EML2: variants seen among roughly 807,000 people sequenced by gnomAD.
EML2 encodes the protein EMAP like 2.
EML2 carries 59 observed loss-of-function variants against 84.7 expected under a neutral mutation model. The ratio of observed to expected loss-of-function variants is 0.70; its 90% CI spans 0.56 to 0.86. EML2 has a LOEUF of 0.86. EML2 is among the 40% of genes least tolerant of loss of function. EML2 has a pLI of 0.00. For missense variants in EML2, 818 were observed against 855.6 expected, an observed-to-expected ratio of 0.96 and a Z score of 0.55; for synonymous variants, 352 against 348.9, an observed-to-expected ratio of 1.01 and a Z score of -0.10.
At position 45,616,823 on chromosome 19, in the gene EML2, G is replaced by C. The variant is rs140846826; in HGVS notation, c.1353C>G (p.Asp451Glu). Residue 451 changes from aspartate to glutamate, a missense_variant, in exon 14 of 19, where the codon GAC becomes GAG. By Grantham distance (45) the Asp-to-Glu change is conservative. Coordinates refer to ENST00000245925, the MANE Select transcript of EML2 (RefSeq NM_012155.4). ...TGCCGTCTGTGTGGATAGCCACCAG[G>C]TCATGGGTCTCCGTGTCCAGCAGCA... Reference protein sequence around the residue: ...RWLLLDTETHDLVAIHTDGNE... With the variant: ...RWLLLDTETHELVAIHTDGNE... 7 of 1,613,462 alleles carry C rather than the reference G, an allele frequency of 4.3e-6. No homozygotes were observed. The African/African-American group carries it at 5.3e-5, about 12-fold the overall frequency.
At chr19:45,641,698 T>C (rs925465133), upstream of EML2, 9 of 1,535,796 alleles carry the variant, frequency 5.9e-6, no homozygotes, top group African/African-American at 8.2e-5. Flanking sequence ...GCGGGGGTCC[T>C]CACGGCGCAC....
At chr19:45,642,676 G>C (rs1974665832), upstream of EML2, 1 of 419,118 alleles carries the variant, frequency 2.4e-6, no homozygotes, top group Admixed American at 5.5e-5. Context: ...CTATGACTAA[G>C]ACGTGACCAG....
chr19:45,639,286 G>C, intron 1 of EML2, 71 bp downstream of exon 1: 1 of 1,320,746 alleles, frequency 7.6e-7, no homozygotes, highest in Non-Finnish European at 9.9e-7. Context: ...CCCAGGGGTT[G>C]GGTGAAACCT....
chr19:45,632,915 C>G lies in EML2; in HGVS notation c.456G>C (p.Val152=). ...CTCTGTCAAACACCCCCAAGCCCAG[C>G]ACGTGTAAGGTGGAGAGGGAAACTG... ...WDSVSLSTLH[V]LGLGVFDRAV... Residue 152 remains valine, a synonymous_variant, in exon 6 of 19, where the codon GTG becomes GTC. Coordinates refer to ENST00000245925, the MANE Select transcript of EML2 (RefSeq NM_012155.4). The G allele has an allele frequency of 6.2e-7, 1 of 1,614,236 alleles. No individual in the cohort carries two copies. Among genetic ancestry groups the G allele is most frequent in the Non-Finnish European group, 8.5e-7 (1 of 1,180,032 alleles).
intron 6 of EML2, 41 bp from the exon 7 acceptor site, chr19:45,630,087 G>GGA: frequency 6.7e-7 from 1 of 1,485,904 alleles, no homozygotes; most frequent in Non-Finnish European, 9.4e-7. Flanking sequence ...GGCAAGGGGA[G>GGA]TCAGGGCCCA....
At chr19:45,642,458 T>C, upstream of EML2, 1 of 1,451,874 alleles carries the variant, frequency 6.9e-7, no homozygotes, top group Non-Finnish European at 9.1e-7. Context: ...CACGCCCCTT[T>C]CCTGTCCCGC....
intron 3 of EML2, among the ~76,000 whole-genome samples, chr19:45,637,492 T>TTTTTTTTTTTTTTC (rs1568486067): frequency 7.0e-6 from 1 of 143,610 alleles, no homozygotes; most frequent in Non-Finnish European, 1.5e-5. Flanking sequence ...TTTTTTTTTT[T>TTTTTTTTTTTTTTC]TTTGAGAAAG....
chr19:45,641,536 C>G, upstream of EML2: 1 of 1,141,606 alleles, frequency 8.8e-7, no homozygotes, highest in Middle Eastern at 2.0e-4. Flanking sequence ...TTTGAACTAG[C>G]TGGCCCCACT....
intron 9 of EML2, among the ~76,000 whole-genome samples, chr19:45,623,682 C>A (rs964944215): frequency 6.6e-6 from 1 of 152,026 alleles, no homozygotes; most frequent in African/African-American, 2.4e-5. Flanking sequence ...TCCCGACTAG[C>A]TGGGATTACA....
At position 45,636,712 on chromosome 19, in the gene EML2, C is replaced by G. The variant is rs542269056; in HGVS notation, c.179+1793G>C. Among the ~76,000 whole-genome samples, 44 of 152,328 alleles carry G rather than the reference C, an allele frequency of 2.9e-4. No homozygotes were observed. The South Asian group carries it at 6.6e-3, about 23-fold the overall frequency. On this transcript the variant is annotated intron_variant, in intron 3 of 18. Transcript: ENST00000245925. ...CTGTAATCTCAGCACTTTGGGAGGC[C>G]GAGGCAGGTGGATCACTTGAGGTCA...
At position 45,615,895 on chromosome 19, in the gene EML2, G is replaced by A. The variant is rs748433299; in HGVS notation, c.1510-6C>T. The A allele has an allele frequency of 1.2e-6, 2 of 1,611,328 alleles. No homozygotes were observed. The highest frequency in any genetic ancestry group is 1.7e-6 in the Non-Finnish European group (2 of 1,177,716). ...GTGATAAAACTGGAATGGCCCTGCG[G>A]GGGAGGGAAGGGATGGTGTTAGAGC... is the stretch of plus-strand genomic sequence containing the variant. On this transcript the variant is annotated splice_region_variant and splice_polypyrimidine_tract_variant and intron_variant, in intron 15 of 18. Transcript: ENST00000245925.
chr19:45,642,442 G>T, upstream of EML2: 3 of 1,465,878 alleles, frequency 2.0e-6, no homozygotes, highest in African/African-American at 1.4e-5. Flanking sequence ...TAAGCGGGGG[G>T]CCAGCCACGC....
intron 9 of EML2, among the ~76,000 whole-genome samples, chr19:45,623,213 G>T (rs1355578598): frequency 2.0e-5 from 3 of 151,992 alleles, no homozygotes; most frequent in Non-Finnish European, 4.4e-5. Flanking sequence ...CAAAAAATTA[G>T]CCGGGTGTGG....
At chr19:45,628,785 T>C (rs1003763458) in intron 7 of EML2, 1 of 152,156 alleles carries the variant, frequency 6.6e-6, no homozygotes, top group Non-Finnish European at 1.5e-5. Flanking sequence ...ATTATGCCAT[T>C]GCACTCCAGC....
chr19:45,616,613 G>A (rs960613460), intron 14 of EML2, 55 bp from the exon 15 acceptor site: 3 of 1,465,706 alleles, frequency 2.0e-6, no homozygotes, highest in Middle Eastern at 1.9e-4. Context: ...TCCCCTCCTC[G>A]CCCAGACTCA....
At chr19:45,614,918 G>A (rs111393752) in intron 16 of EML2, 148 of 471,742 alleles carry the variant, frequency 3.1e-4, no homozygotes, top group African/African-American at 2.3e-3. Context: ...GCATCTGGCC[G>A]GGCATGGTGG....
chr19:45,638,982 G>C (rs1453412295), intron 1 of EML2, 109 bp from the exon 2 acceptor site: 2 of 1,355,868 alleles, frequency 1.5e-6, no homozygotes, highest in African/African-American at 1.4e-5. Context: ...GATGAAAACG[G>C]GGCCGAGTAA....
At chr19:45,641,597 C>T (rs982458824), upstream of EML2, 1 of 1,522,588 alleles carries the variant, frequency 6.6e-7, no homozygotes, top group South Asian at 1.2e-5. Context: ...TCGACCATTT[C>T]CTCCCTATCT....
rs763019688 is a variant in EML2, at chr19:45,615,704, G to A, written c.1597+98C>T. On this transcript the variant is annotated intron_variant, in intron 16 of 18. Coordinates refer to ENST00000245925, the MANE Select transcript of EML2 (RefSeq NM_012155.4). The stretch of plus-strand genomic sequence containing the variant: ...AATCAGAACCAGCCTTGAATACCAA[G>A]GGAGCGAGGCTTGAAGCCCCTCCCT... 4.7e-6 allele frequency: 5 copies of A among 1,071,482 alleles called. No homozygotes were observed. In the East Asian group the frequency reaches 1.2e-4, roughly 26 times the overall value. The allele number at this position is 1,071,482 out of a possible 1,614,324, so 66.4% of individuals were successfully genotyped here. A position where few individuals can be genotyped will look rare whatever the true frequency, so the allele number is the denominator to read the frequency against.
Sources: gnomAD v4.1 joint callset for allele counts (sites outside exome capture counted in the v4.1 genomes callset) on GRCh38, gnomAD v4.1.1 for gene constraint, MANE v1.5 for transcripts, NCBI Gene and HGNC (gene_info 2026-07-23, HGNC 2026-07-21) for gene names.